Variants in WWP1 observed in about 807,000 individuals in gnomAD.
The protein encoded by WWP1 is WW domain containing E3 ubiquitin protein ligase 1.
A neutral mutation model predicts 130.6 loss-of-function variants in WWP1; 49 were observed. That is an observed-to-expected ratio of 0.38 (90% confidence interval 0.30 to 0.48). The LOEUF is 0.48. Ranked by LOEUF, WWP1 falls within the 20% of genes least tolerant of loss-of-function variation. The pLI is 0.99. For missense variants in WWP1, 809 were observed against 1,100.6 expected (o/e 0.74, Z 3.75); for synonymous variants, 332 against 367.8 (o/e 0.90, Z 1.11).
chr8:86,358,806 G>A (rs965511459), intron 1 of WWP1, among the ~76,000 whole-genome samples: 1 of 152,012 alleles, frequency 6.6e-6, no homozygotes, highest in Non-Finnish European at 1.5e-5. Context: ...ACCATGACTG[G>A]CCCATTTATT....
chr8:86,431,128 T>G (rs1809943960), intron 12 of WWP1, among the ~76,000 whole-genome samples: 1 of 132,098 alleles, frequency 7.6e-6, no homozygotes, highest in African/African-American at 2.8e-5. Flanking sequence ...ATAGAATAGA[T>G]TATATATTAA....
In WWP1 at chr8:86,411,663, C is replaced by G; in HGVS notation, c.850C>G (p.Gln284Glu). 1 of 1,614,106 alleles carries G rather than the reference C, an allele frequency of 6.2e-7. No homozygotes were observed. The highest frequency in any genetic ancestry group is 8.5e-7 in the Non-Finnish European group (1 of 1,180,030). ...TSTTVEDPPV[Q>E]EILTSSENNE... ...TACTACTGTTGAAGATCCTCCAGTT[C>G]AAGAAATACTGACTTCCTCAGAAAA... Residue 284 changes from glutamine to glutamate, a missense_variant, in exon 9 of 25, where the codon CAA (glutamine) becomes GAA (glutamate). This residue lies in a region of WWP1 where 262 missense variants were observed against 346.0 expected (regional missense o/e 0.76). Transcript: ENST00000517970.
intron 12 of WWP1, among the ~76,000 whole-genome samples, chr8:86,431,061 A>G (rs1809938942): frequency 7.5e-6 from 1 of 133,276 alleles, no homozygotes; most frequent in Non-Finnish European, 1.5e-5. Flanking sequence ...TAAGGGATAT[A>G]TATATGTATA....
chr8:86,357,142 AGT>A (rs1472997366), intron 1 of WWP1, among the ~76,000 whole-genome samples: 3 of 152,192 alleles, frequency 2.0e-5, no homozygotes, highest in Non-Finnish European at 4.4e-5. Flanking sequence ...CACTATTTTC[AGT>A]GAAGTAATTC....
chr8:86,374,584 A>G (rs1041460825), intron 3 of WWP1, among the ~76,000 whole-genome samples: 3 of 152,210 alleles, frequency 2.0e-5, no homozygotes, highest in African/African-American at 7.2e-5. Context: ...GAAAGCAAAA[A>G]ATAAAAAATA....
At chr8:86,421,241 G>C (rs1320270580) in intron 9 of WWP1, among the ~76,000 whole-genome samples, 1 of 148,044 alleles carries the variant, frequency 6.8e-6, no homozygotes, top group Non-Finnish European at 1.5e-5. Context: ...TAATAGGCAA[G>C]TTTAATAATT....
At chr8:86,374,340 T>C (rs552032335) in intron 3 of WWP1, among the ~76,000 whole-genome samples, 59 of 152,338 alleles carry the variant, frequency 3.9e-4, no homozygotes, top group African/African-American at 1.1e-3. Flanking sequence ...ATAGCCTCTG[T>C]AATGGTGGGA....
At chr8:86,466,667 C>A (rs1396824306) in intron 24 of WWP1, 127 bp from the exon 25 acceptor site, 1 of 484,460 alleles carries the variant, frequency 2.1e-6, no homozygotes, top group Non-Finnish European at 3.4e-6. Flanking sequence ...CTAAATACTT[C>A]TGGCAAAATT....
At chr8:86,458,854 G>C (rs1423015985) in intron 22 of WWP1, among the ~76,000 whole-genome samples, 1 of 152,036 alleles carries the variant, frequency 6.6e-6, no homozygotes, top group South Asian at 2.1e-4. Context: ...ATACTTCAAC[G>C]TGTGTAAAGT....
intron 18 of WWP1, among the ~76,000 whole-genome samples, chr8:86,444,186 GAA>G (rs1031726623): frequency 5.3e-5 from 8 of 152,190 alleles, no homozygotes; most frequent in Non-Finnish European, 1.2e-4. Flanking sequence ...GGTATATTGC[GAA>G]GTTAGAACTA....
At chr8:86,433,798 A>G (rs765100613) in intron 14 of WWP1, among the ~76,000 whole-genome samples, 1 of 152,114 alleles carries the variant, frequency 6.6e-6, no homozygotes, top group South Asian at 2.1e-4. Flanking sequence ...TGTGCCTGTA[A>G]TCCCAGCTAC....
At chr8:86,456,475 T>C (rs1811450932) in intron 21 of WWP1, among the ~76,000 whole-genome samples, 1 of 151,888 alleles carries the variant, frequency 6.6e-6, no homozygotes, top group African/African-American at 2.4e-5. Flanking sequence ...GGCAAGTAAA[T>C]ACTTGAAAAA....
chr8:86,418,826 T>TA (rs909295128), intron 9 of WWP1, among the ~76,000 whole-genome samples: 3 of 152,124 alleles, frequency 2.0e-5, no homozygotes, highest in African/African-American at 7.2e-5. Context: ...AATTTTCAAA[T>TA]ACACACCCAA....
At chr8:86,366,443 A>G (rs1261447063) in intron 1 of WWP1, among the ~76,000 whole-genome samples, 3 of 152,174 alleles carry the variant, frequency 2.0e-5, no homozygotes, top group African/African-American at 7.2e-5. Context: ...TTAAAAGTAA[A>G]TGATTCGGAG....
At chr8:86,392,281 A>G (rs895741949) in intron 5 of WWP1, among the ~76,000 whole-genome samples, 1 of 152,346 alleles carries the variant, frequency 6.6e-6, no homozygotes. Context: ...CTTTGTCACT[A>G]TACCCATAGG....
intron 5 of WWP1, among the ~76,000 whole-genome samples, chr8:86,389,743 G>GCC (rs1163861789): frequency 6.6e-6 from 1 of 151,406 alleles, no homozygotes; most frequent in East Asian, 2.0e-4. Context: ...GGGCAGAGGC[G>GCC]CCCCCCCACC....
At chr8:86,389,769 G>T (rs911518718) in intron 5 of WWP1, among the ~76,000 whole-genome samples, 2 of 150,996 alleles carry the variant, frequency 1.3e-5, no homozygotes, top group Admixed American at 1.3e-4. Context: ...CCCGGATGGG[G>T]CGGCTGCCCG....
In WWP1 at chr8:86,366,059, A is replaced by G. The variant is rs374181697; in HGVS notation, c.-114-2880A>G. ...AAACTATGAAGTGCTTCGCAAATGT[A>G]AAGTATTAATGACATTGCCAGTAGG... On this transcript the variant is annotated intron_variant, in intron 1 of 24. Coordinates refer to ENST00000517970, the MANE Select transcript of WWP1 (RefSeq NM_007013.4). Among the ~76,000 whole-genome samples, 6 of 152,226 alleles carry G rather than the reference A, an allele frequency of 3.9e-5. No individual in the cohort carries two copies. The East Asian group carries it at 1.2e-3, about 29-fold the overall frequency.
intron 2 of WWP1, among the ~76,000 whole-genome samples, chr8:86,370,111 C>T (rs1824201344): frequency 6.6e-6 from 1 of 152,120 alleles, no homozygotes; most frequent in South Asian, 2.1e-4. Context: ...TTGTTTCCAT[C>T]TTTTCTTTTT....
Sources: allele counts gnomAD v4.1 joint callset (sites outside exome capture counted in the v4.1 genomes callset), GRCh38; gene constraint gnomAD v4.1.1; regional missense constraint gnomAD v4.1.1; transcripts MANE v1.5; gene names NCBI Gene and HGNC (gene_info 2026-07-23, HGNC 2026-07-21).